Variants in ECPAS observed in about 807,000 individuals in gnomAD.
The protein encoded by ECPAS is proteasome adapter and scaffold protein ECM29.
In ECPAS, 70 loss-of-function variants were observed where a neutral mutation model predicts 255.1. That is an observed-to-expected ratio of 0.27 (90% confidence interval 0.23 to 0.33). The LOEUF is 0.33. ECPAS is among the 10% of genes least tolerant of loss of function. The pLI is 1.00. For missense variants in ECPAS, 1,817 were observed against 2,206.4 expected (o/e 0.82, Z 3.54); for synonymous variants, 784 against 775.0 (o/e 1.01, Z -0.19).
chr9:111,477,455 C>G (rs2098297787), intron 1 of ECPAS, among the ~76,000 whole-genome samples: 1 of 152,068 alleles, frequency 6.6e-6, no homozygotes, highest in Admixed American at 6.6e-5. Context: ...TTTCTGGATA[C>G]TGCGCCTGGC....
chr9:111,467,617 G>A (rs2098281165), intron 2 of ECPAS, among the ~76,000 whole-genome samples: 1 of 152,020 alleles, frequency 6.6e-6, no homozygotes. Context: ...TGAAGAGAAA[G>A]CTGAAAATAC....
At chr9:111,407,938 G>A (rs2098187707) in intron 24 of ECPAS, among the ~76,000 whole-genome samples, 1 of 152,162 alleles carries the variant, frequency 6.6e-6, no homozygotes, top group Non-Finnish European at 1.5e-5. Context: ...AGACATGATG[G>A]CACAAGTAAC....
At chr9:111,390,551 T>C (rs537490243) in intron 29 of ECPAS, among the ~76,000 whole-genome samples, 28 of 152,360 alleles carry the variant, frequency 1.8e-4, no homozygotes, top group African/African-American at 6.7e-4. Context: ...TATCTAATTG[T>C]TTTGTTATTT....
At chr9:111,374,138 A>G in intron 38 of ECPAS, 100 bp from the exon 39 acceptor site, 1 of 827,160 alleles carries the variant, frequency 1.2e-6, no homozygotes, top group Middle Eastern at 2.3e-4. Context: ...TATAAAATAC[A>G]TGAAGCCTAA....
intron 35 of ECPAS, among the ~76,000 whole-genome samples, chr9:111,380,409 C>G (rs2098139181): frequency 6.6e-6 from 1 of 152,118 alleles, no homozygotes; most frequent in South Asian, 2.1e-4. Context: ...TTAAAATACT[C>G]AGTAAACCAT....
chr9:111,373,269 T>G (rs771831384), intron 40 of ECPAS, 33 bp from the exon 41 acceptor site: 3 of 1,613,452 alleles, frequency 1.9e-6, no homozygotes, highest in Admixed American at 3.3e-5. Context: ...TATTTCTTTA[T>G]AACTGTCAAA....
chr9:111,385,406 G>A lies in ECPAS; in HGVS notation c.3564C>T (p.Pro1188=), dbSNP rs995156634. ...LALNDLLRGR[P]LDDIIDKLPE... ...GAAGTTTATCAATGATGTCATCTAA[G>A]GGTCTTCCTCTCAATAAATCATTCA... is the stretch of plus-strand genomic sequence containing the variant. The change falls in exon 33 of 50, where the codon CCC becomes CCT. Residue 1188 remains proline (P), a synonymous_variant. Transcript: ENST00000684092. 2 of 1,579,986 alleles carry A rather than the reference G, an allele frequency of 1.3e-6. No individual in the cohort carries two copies. Among genetic ancestry groups the A allele is most frequent in the Non-Finnish European group, 8.6e-7 (1 of 1,160,888 alleles).
At position 111,414,418 on chromosome 9, in the gene ECPAS, CAT is replaced by C; in HGVS notation, c.1987+9_1987+10del. On this transcript the variant is annotated intron_variant, in intron 19 of 49. Transcript: ENST00000684092. ...GCTTCAGTATCTTTCCTTCGCGTCA[CAT>C]ATTCCTACCTCCAACACCTGCTAAC... The C allele has an allele frequency of 6.2e-7, 1 of 1,609,814 alleles. No individual in the cohort carries two copies. Among genetic ancestry groups the C allele is most frequent in the Non-Finnish European group, 8.5e-7 (1 of 1,176,318 alleles).
At chr9:111,392,010 G>A (rs530661436) in intron 28 of ECPAS, among the ~76,000 whole-genome samples, 186 bp from the exon 29 acceptor site, 1 of 152,216 alleles carries the variant, frequency 6.6e-6, no homozygotes, top group Non-Finnish European at 1.5e-5. Context: ...GGAGGCCGAG[G>A]TGGGTGGATC....
intron 24 of ECPAS, among the ~76,000 whole-genome samples, chr9:111,398,886 G>A (rs7858224): frequency 0.029 from 4,467 of 152,006 alleles, 227 homozygotes; most frequent in African/African-American, 0.1. Flanking sequence ...GCAGTGAGCT[G>A]AGATTGCACC....
intron 24 of ECPAS, among the ~76,000 whole-genome samples, chr9:111,402,201 T>C (rs2098177196): frequency 6.6e-6 from 1 of 152,210 alleles, no homozygotes; most frequent in South Asian, 2.1e-4. Context: ...TCACAATTTA[T>C]GTTCTTCTGC....
chr9:111,480,250 T>TTC lies in ECPAS; in HGVS notation c.-83+3864_-83+3865dup, dbSNP rs145585619. Among the ~76,000 whole-genome samples the TTC allele has an allele frequency of 3.5e-3, 537 of 151,524 alleles. 2 individuals carry two copies. Among genetic ancestry groups the TTC allele is most frequent in the Non-Finnish European group, 5.9e-3 (398 of 67,910 alleles). On this transcript the variant is annotated intron_variant, in intron 1 of 49. Coordinates refer to ENST00000684092, the MANE Select transcript of ECPAS (RefSeq NM_001364929.1). ...TAAATGATAGAAAATATTTGGATAA[T>TTC]TCTCTCCTTTTTTTTTAGTGGAATT... is the stretch of plus-strand genomic sequence containing the variant.
At chr9:111,464,534 A>C (rs1589230080) in intron 2 of ECPAS, among the ~76,000 whole-genome samples, 1 of 152,296 alleles carries the variant, frequency 6.6e-6, no homozygotes, top group East Asian at 1.9e-4. Context: ...AAATATAAAA[A>C]CAATCTAAAT....
At position 111,366,242 on chromosome 9, in the gene ECPAS, A is replaced by C; in HGVS notation, c.5305T>G (p.Leu1769Val). Residue 1769 changes from leucine (L) to valine (V), a missense_variant, in exon 48 of 50, where the codon TTA becomes GTA. Leu to Val is a conservative substitution (Grantham distance 32). Transcript: ENST00000684092. The stretch of plus-strand genomic sequence containing the variant: ...AGTTTTAGTTTACTACACTCACCTA[A>C]AGAATATGTGATTGATTTACAAGTT... Reference protein sequence around the residue: ...LETCKSITYSLENKTYSSVRT... With the variant: ...LETCKSITYSVENKTYSSVRT... The C allele has an allele frequency of 6.4e-7, 1 of 1,558,826 alleles. No homozygotes were observed. Among genetic ancestry groups the C allele is most frequent in the Non-Finnish European group, 8.7e-7 (1 of 1,147,572 alleles).
At chr9:111,364,757 A>G (rs1459871316) in intron 48 of ECPAS, among the ~76,000 whole-genome samples, 2 of 152,246 alleles carry the variant, frequency 1.3e-5, no homozygotes, top group East Asian at 3.8e-4. Context: ...ATCAAAATTA[A>G]CATCACAAAT....
intron 10 of ECPAS, among the ~76,000 whole-genome samples, chr9:111,426,471 C>A (rs2098221773): frequency 6.6e-6 from 1 of 151,652 alleles, no homozygotes; most frequent in African/African-American, 2.4e-5. Flanking sequence ...TATTGAGTAT[C>A]TGCTTTATAA....
At chr9:111,366,390 G>T in intron 47 of ECPAS, 63 bp from the exon 48 acceptor site, 1 of 1,390,532 alleles carries the variant, frequency 7.2e-7, no homozygotes, top group Non-Finnish European at 1.0e-6. Context: ...AAACTTTCCT[G>T]TCACAATTTC....
Position 111,361,875 on chromosome 9 carries a change from A to G in ECPAS, c.*155T>C. ...AAACATAAAGTAAAATAAAGCTAAT[A>G]AGGAACAAAATTTAAGGCTTTTTCT... On this transcript the variant is annotated 3_prime_UTR_variant, in exon 50 of 50. Transcript: ENST00000684092. 1.1e-6 allele frequency: 1 copy of G among 889,010 alleles called. No homozygotes were observed. Among genetic ancestry groups the G allele is most frequent in the South Asian group, 2.2e-5 (1 of 46,140 alleles). The allele number at this position is 889,010 out of a possible 1,614,324, so 55.1% of individuals were successfully genotyped here. A position where few individuals can be genotyped will look rare whatever the true frequency, so the allele number is the denominator to read the frequency against.
rs200428664 is a variant in ECPAS at position 111,440,456 on chromosome 9, G to A, written c.455C>T (p.Ala152Val). 2 of 1,613,130 alleles carry A rather than the reference G, an allele frequency of 1.2e-6. No individual in the cohort carries two copies. Among genetic ancestry groups the A allele is most frequent in the Non-Finnish European group, 8.5e-7 (1 of 1,179,396 alleles). Residue 152 changes from alanine to valine, a missense_variant, in exon 6 of 50, where the codon GCT (alanine) becomes GTT (valine). Ala to Val is a moderately conservative substitution (Grantham distance 64). Coordinates refer to ENST00000684092, the MANE Select transcript of ECPAS (RefSeq NM_001364929.1). Reference protein sequence around the residue: ...MKYPVESSKSASPFNLAEKPK... With the variant: ...MKYPVESSKSVSPFNLAEKPK... ...TTTCTCAGCAAGATTAAATGGAGAAGCTGATTTTGATGATTCAACAGGGTA... is the reference window on the plus strand; with the variant it reads ...TTTCTCAGCAAGATTAAATGGAGAAACTGATTTTGATGATTCAACAGGGTA...
Sources: allele counts gnomAD v4.1 joint callset (sites outside exome capture counted in the v4.1 genomes callset), GRCh38; gene constraint gnomAD v4.1.1; transcripts MANE v1.5; gene names NCBI Gene and HGNC (gene_info 2026-07-23, HGNC 2026-07-21).